CAPN5: variants seen among roughly 807,000 people sequenced by gnomAD.
The protein encoded by CAPN5 is calpain-5.
In CAPN5, 54 loss-of-function variants were observed where a neutral mutation model predicts 73.0. That is an observed-to-expected ratio of 0.74 (90% CI 0.59 to 0.93). CAPN5 has a LOEUF of 0.93. Among genes scored for constraint, CAPN5 ranks in the 40% least tolerant of loss-of-function variants. The pLI is 0.00. For missense variants in CAPN5, 785 were observed against 882.9 expected (o/e 0.89, Z 1.41); for synonymous variants, 335 against 356.9 (o/e 0.94, Z 0.69).
In CAPN5 at chr11:77,123,742, G is replaced by A. The variant is rs782285280; in HGVS notation, c.1795G>A (p.Ala599Thr). ...DEFLGQVHLK[A>T]DPDNLQALHT... Reference sequence around the variant, plus strand: ...ATTTCTGGGCCAGGTGCACCTAAAGGCTGACCCGGACAACCTCCAGGCCCT... The same window carrying A: ...ATTTCTGGGCCAGGTGCACCTAAAGACTGACCCGGACAACCTCCAGGCCCT... Residue 599 changes from alanine (A) to threonine (T), a missense_variant, in exon 13 of 13, where the codon GCT becomes ACT. By Grantham distance (58) the Ala-to-Thr change is moderately conservative (BLOSUM62 0). Coordinates refer to ENST00000648180, the MANE Select transcript of CAPN5 (RefSeq NM_004055.5). 1.2e-6 allele frequency: 2 copies of A among 1,613,846 alleles called. No homozygotes were observed. The highest frequency in any genetic ancestry group is 2.7e-5 in the African/African-American group (2 of 74,954).
chr11:77,084,083 ATC>A (rs1248189071), intron 1 of CAPN5, among the ~76,000 whole-genome samples: 1 of 152,180 alleles, frequency 6.6e-6, no homozygotes, highest in Non-Finnish European at 1.5e-5. Context: ...CCGTCCGAGC[ATC>A]TCTCAGCGCA....
At chr11:77,084,696 C>T (rs1300024155) in intron 1 of CAPN5, among the ~76,000 whole-genome samples, 156 bp from the exon 2 acceptor site, 1 of 152,202 alleles carries the variant, frequency 6.6e-6, no homozygotes, top group Non-Finnish European at 1.5e-5. Flanking sequence ...GGTGTCTGTC[C>T]CACTCTGCTG....
At chr11:77,084,489 A>G (rs1361231217) in intron 1 of CAPN5, among the ~76,000 whole-genome samples, 2 of 152,182 alleles carry the variant, frequency 1.3e-5, no homozygotes, top group Non-Finnish European at 2.9e-5. Context: ...TGTGGGAGAC[A>G]CACCAGCCAG....
chr11:77,103,974 A>C (rs914944012), intron 3 of CAPN5, among the ~76,000 whole-genome samples: 8 of 152,174 alleles, frequency 5.3e-5, no homozygotes, highest in Non-Finnish European at 8.8e-5. Context: ...TTCAGGGTGG[A>C]GAAGTGAAGG....
intron 1 of CAPN5, among the ~76,000 whole-genome samples, chr11:77,068,677 A>C (rs1337455536): frequency 1.3e-5 from 2 of 152,070 alleles, no homozygotes; most frequent in African/African-American, 4.8e-5. Flanking sequence ...AAGCAGGGAG[A>C]GGGCCCTCCC....
At chr11:77,071,320 C>T (rs1949904105) in intron 1 of CAPN5, among the ~76,000 whole-genome samples, 1 of 152,234 alleles carries the variant, frequency 6.6e-6, no homozygotes, top group South Asian at 2.1e-4. Flanking sequence ...GGAAGAAGGG[C>T]ATCCCTGGCA....
chr11:77,117,562 T>C (rs1950481237), intron 7 of CAPN5, among the ~76,000 whole-genome samples: 1 of 152,206 alleles, frequency 6.6e-6, no homozygotes, highest in Admixed American at 6.5e-5. Context: ...CAGAGCTCCT[T>C]GCCTTTAGAA....
chr11:77,085,397 T>C (rs1009210899), intron 2 of CAPN5, among the ~76,000 whole-genome samples: 10 of 152,196 alleles, frequency 6.6e-5, no homozygotes, highest in Non-Finnish European at 1.2e-4. Flanking sequence ...AAAATGTAGA[T>C]TGACATCCAA....
chr11:77,118,279 T>A lies in CAPN5; in HGVS notation c.1094T>A (p.Leu365Gln). The A allele has an allele frequency of 6.2e-7, 1 of 1,613,934 alleles. No individual in the cohort carries two copies. The highest frequency in any genetic ancestry group is 8.5e-7 in the Non-Finnish European group (1 of 1,179,968). The change falls in exon 8 of 13, where the codon CTG becomes CAG. Residue 365 changes from leucine to glutamine, a missense_variant. By Grantham distance (113) the Leu-to-Gln change is moderately radical. Coordinates refer to ENST00000648180, the MANE Select transcript of CAPN5 (RefSeq NM_004055.5). The part of the protein sequence containing the change: ...EEARLHGAWT[L>Q]HEDPRQNRGG... The stretch of plus-strand genomic sequence containing the variant: ...GCCCGGCTGCATGGCGCCTGGACGC[T>A]GCATGAGGACCCGCGACAGAACCGC...
chr11:77,093,392 C>T (rs572286288), intron 2 of CAPN5, among the ~76,000 whole-genome samples: 3 of 152,304 alleles, frequency 2.0e-5, no homozygotes, highest in Admixed American at 1.3e-4. Context: ...CCGGGTCCAG[C>T]GCTCTGACGT....
In CAPN5 at chr11:77,093,818, G is replaced by T; in HGVS notation, c.297+5G>T. The T allele has an allele frequency of 6.2e-7, 1 of 1,608,880 alleles. No individual in the cohort carries two copies. ...CGGGAGTCGCTGTGGCAAAAGGTGA[G>T]GCCTCGGGCAGAGTGGGCAGGGTGC... On this transcript the variant is annotated splice_donor_5th_base_variant and intron_variant, in intron 3 of 12. Coordinates refer to ENST00000648180, the MANE Select transcript of CAPN5 (RefSeq NM_004055.5).
chr11:77,096,809 G>GC (rs1950213454), intron 3 of CAPN5, among the ~76,000 whole-genome samples: 1 of 152,094 alleles, frequency 6.6e-6, no homozygotes, highest in Non-Finnish European at 1.5e-5. Flanking sequence ...GCAGCTCCTG[G>GC]CCAAAAAAAA....
In CAPN5 at chr11:77,120,873, T is replaced by G; in HGVS notation, c.1451T>G (p.Leu484Arg). 1 of 1,614,114 alleles carries G rather than the reference T, an allele frequency of 6.2e-7. No individual in the cohort carries two copies. Residue 484 changes from leucine (L) to arginine (R), a missense_variant, in exon 10 of 13, where the codon CTG becomes CGG. By Grantham distance (102) the Leu-to-Arg change is moderately radical. Transcript: ENST00000648180. ...GAGCCAGGCCACACTGGCGAGTTCC[T>G]GCTCCGAGTCTTCACTGATGTGCCC... ...TFEPGHTGEFLLRVFTDVPSN... is the reference protein window; with the variant it reads ...TFEPGHTGEFRLRVFTDVPSN...
chr11:77,091,267 G>T (rs1950146204), intron 2 of CAPN5, among the ~76,000 whole-genome samples: 1 of 152,178 alleles, frequency 6.6e-6, no homozygotes, highest in South Asian at 2.1e-4. Context: ...CTCTGCACAG[G>T]TGAGGCCCAA....
At chr11:77,100,289 G>A (rs1335474611) in intron 3 of CAPN5, among the ~76,000 whole-genome samples, 2 of 152,106 alleles carry the variant, frequency 1.3e-5, no homozygotes, top group African/African-American at 4.8e-5. Context: ...AGTGGGCCCT[G>A]TCCCCAGCTG....
chr11:77,068,397 A>G, intron 1 of CAPN5, among the ~76,000 whole-genome samples: 1 of 151,814 alleles, frequency 6.6e-6, no homozygotes, highest in East Asian at 2.0e-4. Flanking sequence ...CAGTGCTGGG[A>G]GCACAAGACA....
chr11:77,098,104 C>A (rs1471633862), intron 3 of CAPN5, among the ~76,000 whole-genome samples: 130 of 69,792 alleles, frequency 1.9e-3, no homozygotes, highest in African/African-American at 4.4e-3. Context: ...GGGGGGCTGA[C>A]CCCCCCACCT....
intron 3 of CAPN5, among the ~76,000 whole-genome samples, chr11:77,094,781 A>G (rs1271985626): frequency 2.6e-5 from 4 of 152,224 alleles, no homozygotes; most frequent in South Asian, 2.1e-4. Context: ...ATAGGACCAG[A>G]TGCTGCACTC....
At chr11:77,092,748 C>G (rs1357514687) in intron 2 of CAPN5, among the ~76,000 whole-genome samples, 2 of 152,326 alleles carry the variant, frequency 1.3e-5, no homozygotes, top group Non-Finnish European at 2.9e-5. Context: ...AGGCCGAGGC[C>G]AGCAGATCAG....
Sources: gnomAD v4.1 joint callset for allele counts (sites outside exome capture counted in the v4.1 genomes callset) on GRCh38, gnomAD v4.1.1 for gene constraint, MANE v1.5 for transcripts, NCBI Gene and HGNC (gene_info 2026-07-23, HGNC 2026-07-21) for gene names.